Variants in MITF observed in about 807,000 individuals in gnomAD.
The protein encoded by MITF is microphthalmia-associated transcription factor.
MITF carries 17 observed loss-of-function variants against 60.5 expected under a neutral mutation model. The ratio of observed to expected loss-of-function variants is 0.28; its 90% CI spans 0.19 to 0.42. The LOEUF (loss-of-function observed/expected upper bound fraction) is 0.42, where lower values mean the gene tolerates loss of function less well. Among genes scored for constraint, MITF ranks in the 10% least tolerant of loss-of-function variants. The probability of loss-of-function intolerance (pLI) is 1.00; values close to 1 mark genes in which losing one functional copy is unlikely to be tolerated. For synonymous variants in MITF, 260 were observed against 248.5 expected (o/e 1.05, Z -0.43); for missense variants, 622 against 683.5 (o/e 0.91, Z 1.00).
chr3:69,818,423 T>C (rs1029627481), intron 1 of MITF, among the ~76,000 whole-genome samples: 1 of 152,220 alleles, frequency 6.6e-6, no homozygotes, highest in Non-Finnish European at 1.5e-5. Context: ...TGGACCGCTC[T>C]ACATCAGTCA....
intron 2 of MITF, among the ~76,000 whole-genome samples, chr3:69,879,916 T>A (rs1011175897): frequency 2.0e-5 from 3 of 152,200 alleles, no homozygotes; most frequent in African/African-American, 7.2e-5. Context: ...TCTCTTTGAT[T>A]TCTTGCTAGA....
At chr3:69,940,590 G>T (rs1345106910) in intron 4 of MITF, among the ~76,000 whole-genome samples, 1 of 152,152 alleles carries the variant, frequency 6.6e-6, no homozygotes, top group Non-Finnish European at 1.5e-5. Flanking sequence ...AGCTGTACAA[G>T]GAGAAACTTA....
At chr3:69,816,665 C>T (rs1048146518) in intron 1 of MITF, among the ~76,000 whole-genome samples, 1 of 152,176 alleles carries the variant, frequency 6.6e-6, no homozygotes, top group Non-Finnish European at 1.5e-5. Flanking sequence ...GTTAACATCT[C>T]TCTGACTTAG....
intron 1 of MITF, among the ~76,000 whole-genome samples, chr3:69,794,036 C>T (rs781277831): frequency 9.2e-5 from 14 of 152,156 alleles, no homozygotes; most frequent in Non-Finnish European, 1.9e-4. Context: ...CCATGTCACC[C>T]CAGCTATATG....
At chr3:69,796,967 C>T (rs2062841653) in intron 1 of MITF, among the ~76,000 whole-genome samples, 1 of 152,214 alleles carries the variant, frequency 6.6e-6, no homozygotes, top group Non-Finnish European at 1.5e-5. Context: ...GTTGCAGAAA[C>T]TGTACCCATT....
chr3:69,856,713 T>C (rs945252111), intron 1 of MITF, among the ~76,000 whole-genome samples: 4 of 152,202 alleles, frequency 2.6e-5, no homozygotes, highest in African/African-American at 4.8e-5. Flanking sequence ...AATTATTTCC[T>C]TTTTTGAGAA....
At chr3:69,763,808 A>G (rs1342329586) in intron 1 of MITF, 1 of 1,363,586 alleles carries the variant, frequency 7.3e-7, no homozygotes, top group Admixed American at 2.2e-5. Flanking sequence ...AATCTTGGGA[A>G]TTCAGACCTA....
intron 2 of MITF, chr3:69,937,317 A>G (rs1390065928): frequency 2.4e-5 from 4 of 167,600 alleles, no homozygotes; most frequent in African/African-American, 9.7e-5. Context: ...TCATTGGAAG[A>G]TTTATATTTA....
At chr3:69,820,703 C>T (rs1258968240) in intron 1 of MITF, among the ~76,000 whole-genome samples, 2 of 152,124 alleles carry the variant, frequency 1.3e-5, no homozygotes, top group African/African-American at 2.4e-5. Flanking sequence ...AGGTGATGTG[C>T]AGGCCTTGCA....
intron 1 of MITF, among the ~76,000 whole-genome samples, chr3:69,791,097 T>A (rs1285932491): frequency 6.6e-6 from 1 of 152,232 alleles, no homozygotes; most frequent in African/African-American, 2.4e-5. Context: ...AATGCCCTTT[T>A]TTCTTTTGCC....
rs113095501 is a variant in MITF, at chr3:69,771,827, T to C, written c.104+32126T>C. On this transcript the variant is annotated intron_variant, in intron 1 of 9. Coordinates refer to ENST00000352241, the MANE Select transcript of MITF (RefSeq NM_001354604.2). Reference sequence around the variant, plus strand: ...GTTCATGTTGATTAACAGATGTGTGTAGAGAATTGGACTGGGTAGCCTGCC... The same window carrying C: ...GTTCATGTTGATTAACAGATGTGTGCAGAGAATTGGACTGGGTAGCCTGCC... 4.5e-3 allele frequency among the ~76,000 whole-genome samples: 693 copies of C among 152,318 alleles called. 6 individuals are homozygous for C. Among genetic ancestry groups the C allele is most frequent in the African/African-American group, 0.015 (640 of 41,558 alleles).
intron 1 of MITF, among the ~76,000 whole-genome samples, chr3:69,751,600 G>A (rs574961671): frequency 1.1e-3 from 149 of 139,942 alleles, no homozygotes; most frequent in Non-Finnish European, 1.8e-3. Flanking sequence ...TAGAGAAAAA[G>A]CGCTGATCTG....
At chr3:69,898,573 G>A (rs974914831) in intron 2 of MITF, among the ~76,000 whole-genome samples, 5 of 152,234 alleles carry the variant, frequency 3.3e-5, no homozygotes, top group Non-Finnish European at 7.3e-5. Flanking sequence ...TCTGGAACAT[G>A]CCAGTAGGAC....
chr3:69,739,942 C>G (rs1703467448), intron 1 of MITF, among the ~76,000 whole-genome samples: 1 of 152,132 alleles, frequency 6.6e-6, no homozygotes, highest in African/African-American at 2.4e-5. Context: ...GGGGACGAAG[C>G]GTCCAGGCGC....
intron 1 of MITF, among the ~76,000 whole-genome samples, chr3:69,792,072 A>G (rs1350174939): frequency 6.6e-6 from 1 of 152,216 alleles, no homozygotes; most frequent in South Asian, 2.1e-4. Flanking sequence ...TGAAGCTGTC[A>G]TCTAGCACAG....
At chr3:69,809,464 A>G (rs1393065256) in intron 1 of MITF, among the ~76,000 whole-genome samples, 1 of 152,194 alleles carries the variant, frequency 6.6e-6, no homozygotes, top group Non-Finnish European at 1.5e-5. Context: ...TGCTTTATCT[A>G]TAACCAGCCT....
intron 1 of MITF, among the ~76,000 whole-genome samples, chr3:69,821,843 A>G (rs1345287913): frequency 6.6e-6 from 1 of 152,090 alleles, no homozygotes. Context: ...CCTCTGTCTC[A>G]GGGGTTCTTG....
intron 1 of MITF, among the ~76,000 whole-genome samples, chr3:69,867,505 A>G (rs1240662756): frequency 1.3e-5 from 2 of 151,992 alleles, no homozygotes; most frequent in Admixed American, 6.6e-5. Flanking sequence ...TTCATTCTTT[A>G]TGTCGTCATA....
At chr3:69,758,836 A>G (rs1375166105) in intron 1 of MITF, 1 of 211,050 alleles carries the variant, frequency 4.7e-6, no homozygotes. Context: ...TTTGTTAGCT[A>G]TGAGCCCTTG....
Sources: allele counts gnomAD v4.1 joint callset (sites outside exome capture counted in the v4.1 genomes callset), GRCh38; gene constraint gnomAD v4.1.1; transcripts MANE v1.5; gene names NCBI Gene and HGNC (gene_info 2026-07-23, HGNC 2026-07-21).